Variants in C1S observed in about 807,000 individuals in gnomAD.
The protein encoded by C1S is complement C1s, also known as complement C1s subcomponent.
Under a neutral mutation model 54.0 loss-of-function variants are expected in C1S, and 31 were observed. The observed-to-expected ratio is 0.57, with a 90% CI of 0.43 to 0.78. C1S has a LOEUF of 0.78. Ranked by LOEUF, C1S falls within the 30% of genes least tolerant of loss-of-function variation. The pLI, the probability that C1S is intolerant of heterozygous loss-of-function variation, is 0.00. For synonymous variants in C1S, 292 were observed against 303.6 expected (o/e 0.96, Z 0.40); for missense variants, 727 against 851.8 (o/e 0.85, Z 1.82).
intron 7 of C1S, 149 bp from the exon 8 acceptor site, chr12:7,066,369 A>AT: frequency 1.4e-6 from 1 of 702,706 alleles, no homozygotes; most frequent in East Asian, 2.7e-5. Context: ...ATGCCATATG[A>AT]TTTTAGACAT....
At chr12:7,065,774 C>T (rs2135724863) in intron 6 of C1S, 43 bp from the exon 7 acceptor site, 1 of 1,580,684 alleles carries the variant, frequency 6.3e-7, no homozygotes, top group Non-Finnish European at 8.7e-7. Flanking sequence ...TTTACCTCTT[C>T]CCTTTAGTTC....
chr12:7,063,534 C>G (rs782635317), intron 4 of C1S: 46 of 332,996 alleles, frequency 1.4e-4, no homozygotes, highest in South Asian at 1.1e-3. Flanking sequence ...GTATCTCTCT[C>G]TAGGTTAAAA....
rs782369053 is a variant in C1S at position 7,062,927 on chromosome 12, G to A, written c.251G>A (p.Gly84Glu). The A allele has an allele frequency of 1.2e-6, 2 of 1,614,050 alleles. No individual in the cohort carries two copies. The highest frequency in any genetic ancestry group is 2.2e-5 in the South Asian group (2 of 91,078). The change falls in exon 4 of 12, where the codon GGA becomes GAA. Residue 84 changes from glycine to glutamate, a missense_variant. Physicochemically the swap from Gly to Glu is moderately conservative, Grantham distance 98. Transcript: ENST00000360817. Reference protein sequence around the residue: ...SGDTEEGRLCGQRSSNNPHSP... With the variant: ...SGDTEEGRLCEQRSSNNPHSP... ...GACACTGAAGAAGGGAGGCTCTGTG[G>A]ACAGAGGAGCAGTAACAATCCCCAC...
chr12:7,065,378 C>T, intron 6 of C1S, 79 bp downstream of exon 6: 1 of 1,010,392 alleles, frequency 9.9e-7, no homozygotes, highest in Non-Finnish European at 1.6e-6. Context: ...TTTTTTCATA[C>T]AGCATCTTTC....
intron 8 of C1S, 178 bp downstream of exon 8, chr12:7,066,811 C>G: frequency 1.4e-6 from 1 of 707,032 alleles, no homozygotes; most frequent in East Asian, 2.7e-5. Context: ...GCCTGGCCAG[C>G]TTGGCATTCT....
chr12:7,064,106 G>T (rs1173206303), intron 4 of C1S, 161 bp from the exon 5 acceptor site: 1 of 792,698 alleles, frequency 1.3e-6, no homozygotes, highest in Non-Finnish European at 2.2e-6. Context: ...CATATGTCAG[G>T]AGAGTAATAT....
At chr12:7,064,862 C>A (rs1222878533) in intron 5 of C1S, among the ~76,000 whole-genome samples, 1 of 152,122 alleles carries the variant, frequency 6.6e-6, no homozygotes, top group African/African-American at 2.4e-5. Flanking sequence ...CTACTGGGGG[C>A]TGTTCATAAC....
At chr12:7,068,129 T>G (rs184177861) in intron 10 of C1S, among the ~76,000 whole-genome samples, 2 of 152,336 alleles carry the variant, frequency 1.3e-5, no homozygotes, top group South Asian at 4.1e-4. Flanking sequence ...GCTTTCTTGA[T>G]GTAGAGGCTT....
Position 7,069,933 on chromosome 12 carries a change from C to T in C1S, c.1349C>T (p.Pro450Leu). The change falls in exon 12 of 12, where the codon CCC becomes CTC. Residue 450 changes from proline (P) to leucine (L), a missense_variant. Pro to Leu is a moderately conservative substitution (Grantham distance 98, BLOSUM62 -3). Coordinates refer to ENST00000360817, the MANE Select transcript of C1S (RefSeq NM_001734.5). ...TCCGATGCAGATATTAAAAACTTCC[C>T]CTGGCAAGTCTTCTTTGACAACCCA... is the stretch of plus-strand genomic sequence containing the variant. ...GGSDADIKNF[P>L]WQVFFDNPWA... is the part of the protein sequence containing the mutation. 1.9e-6 allele frequency: 3 copies of T among 1,614,126 alleles called. No individual in the cohort carries two copies. Among genetic ancestry groups the T allele is most frequent in the Non-Finnish European group, 2.5e-6 (3 of 1,180,010 alleles).
Position 7,065,924 on chromosome 12 carries a change from T to C in C1S, c.825T>C (p.Asp275=). 1.2e-6 allele frequency: 2 copies of C among 1,613,888 alleles called. No homozygotes were observed. The highest frequency in any genetic ancestry group is 1.7e-6 in the Non-Finnish European group (2 of 1,179,840). ...CTCTTGATATCATCTTCCAAACTGATCTAACAGGGCAAAAAAAGGGCTGGA... is the reference window on the plus strand; with the variant it reads ...CTCTTGATATCATCTTCCAAACTGACCTAACAGGGCAAAAAAAGGGCTGGA... ...SNALDIIFQT[D]LTGQKKGWKL... Residue 275 remains aspartate (D), a synonymous_variant, in exon 7 of 12, where the codon GAT becomes GAC. Coordinates refer to ENST00000360817, the MANE Select transcript of C1S (RefSeq NM_001734.5).
Position 7,068,525 on chromosome 12 carries a change from T to TTCC in C1S, c.1266_1268dup (p.Pro423dup). 1 of 1,612,446 alleles carries TTCC rather than the reference T, an allele frequency of 6.2e-7. No individual in the cohort carries two copies. The highest frequency in any genetic ancestry group is 8.5e-7 in the Non-Finnish European group (1 of 1,178,504). On this transcript the variant is annotated inframe_insertion, in exon 11 of 12. Coordinates refer to ENST00000360817, the MANE Select transcript of C1S (RefSeq NM_001734.5). ...CTGGGCCCGGAGCTGCCGAAATGTG[T>TTCC]TCCAGGTAAGGAGGGCTGAGGCTTG... is the stretch of plus-strand genomic sequence containing the variant.
chr12:7,065,372 T>TG, intron 6 of C1S, 73 bp downstream of exon 6: 1 of 1,092,882 alleles, frequency 9.2e-7, no homozygotes, highest in Non-Finnish European at 1.4e-6. Context: ...AAATTTTTTT[T>TG]TCATACAGCA....
chr12:7,064,110 G>C (rs782192438), intron 4 of C1S, 157 bp from the exon 5 acceptor site: 2 of 804,760 alleles, frequency 2.5e-6, no homozygotes, highest in Non-Finnish European at 4.4e-6. Context: ...TGTCAGGAGA[G>C]TAATATGGAA....
At chr12:7,066,001 G>A (rs782220097) in intron 7 of C1S, 31 bp downstream of exon 7, 2 of 1,598,044 alleles carry the variant, frequency 1.3e-6, no homozygotes, top group Non-Finnish European at 1.7e-6. Context: ...TCTTTGGTTG[G>A]TGATACCAAA....
chr12:7,067,796 G>C, intron 10 of C1S, 25 bp downstream of exon 10: 1 of 1,602,626 alleles, frequency 6.2e-7, no homozygotes, highest in Non-Finnish European at 8.5e-7. Flanking sequence ...CTGGAGAAGA[G>C]AGAGAGAGAG....
intron 5 of C1S, 137 bp from the exon 6 acceptor site, chr12:7,064,963 C>A: frequency 1.4e-6 from 1 of 722,390 alleles, no homozygotes; most frequent in Non-Finnish European, 2.4e-6. Context: ...TTGCTCTATC[C>A]CTCCAGTTAG....
rs1555162906 is a variant in C1S at position 7,069,917 on chromosome 12, G to A, written c.1333G>A (p.Asp445Asn). The change falls in exon 12 of 12, where the codon GAT becomes AAT. Residue 445 changes from aspartate to asparagine, a missense_variant. By Grantham distance (23) the Asp-to-Asn change is conservative. Coordinates refer to ENST00000360817, the MANE Select transcript of C1S (RefSeq NM_001734.5). ...GAGGATAATTGGAGGATCCGATGCA[G>A]ATATTAAAAACTTCCCCTGGCAAGT... ...KQRIIGGSDA[D>N]IKNFPWQVFF... 6.2e-7 allele frequency: 1 copy of A among 1,614,180 alleles called. No individual in the cohort carries two copies. The highest frequency in any genetic ancestry group is 1.1e-5 in the South Asian group (1 of 91,078).
At chr12:7,061,795 C>T (rs1947091664) in intron 1 of C1S, 44 bp from the exon 2 acceptor site, 2 of 1,122,966 alleles carry the variant, frequency 1.8e-6, no homozygotes, top group Non-Finnish European at 2.7e-6. Context: ...AAAGAAGGTG[C>T]TTGTGTTTGT....
At position 7,063,014 on chromosome 12, in the gene C1S, A is replaced by G. The variant is rs1555161502; in HGVS notation, c.338A>G (p.Asp113Gly). 1.9e-6 allele frequency: 3 copies of G among 1,614,148 alleles called. No individual in the cohort carries two copies. The highest frequency in any genetic ancestry group is 1.3e-5 in the African/African-American group (1 of 75,054). The change falls in exon 4 of 12, where the codon GAC (aspartate) becomes GGC (glycine). Residue 113 changes from aspartate to glycine, a missense_variant. Physicochemically the swap from Asp to Gly is moderately conservative, Grantham distance 94. This residue lies in a region of C1S where 357 missense variants were observed against 365.4 expected (regional missense o/e 0.98). Coordinates refer to ENST00000360817, the MANE Select transcript of C1S (RefSeq NM_001734.5). ...AAACTCCAGGTGATCTTTAAGTCAG[A>G]CTTTTCCAATGAAGAGCGTTTTACG... ...YNKLQVIFKS[D>G]FSNEERFTGF...
Sources: allele counts gnomAD v4.1 joint callset (sites outside exome capture counted in the v4.1 genomes callset), GRCh38; gene constraint gnomAD v4.1.1; regional missense constraint gnomAD v4.1.1; transcripts MANE v1.5; gene names NCBI Gene and HGNC (gene_info 2026-07-23, HGNC 2026-07-21).